The following SLC8A1 variants were observed in gnomAD, a reference collection of about 807,000 sequenced individuals.
SLC8A1 encodes the protein sodium/calcium exchanger 1.
In SLC8A1, 18 loss-of-function variants were observed where a neutral mutation model predicts 68.3. The ratio of observed to expected loss-of-function variants is 0.26; its 90% confidence interval spans 0.18 to 0.39. SLC8A1 has a LOEUF of 0.39. Among genes scored for constraint, SLC8A1 ranks in the 10% least tolerant of loss-of-function variants. The probability of loss-of-function intolerance (pLI) is 1.00; values close to 1 mark genes in which losing one functional copy is unlikely to be tolerated. For missense variants in SLC8A1, 985 were observed against 1,156.7 expected (o/e 0.85, Z 2.15); for synonymous variants, 475 against 415.5 (o/e 1.14, Z -1.74).
chr2:40,442,154 C>T (rs1700609942), intron 1 of SLC8A1, among the ~76,000 whole-genome samples: 1 of 150,138 alleles, frequency 6.7e-6, no homozygotes, highest in South Asian at 2.1e-4. Context: ...ACATATGTAA[C>T]TAACCTGCAC....
intron 2 of SLC8A1, among the ~76,000 whole-genome samples, chr2:40,207,102 G>C (rs2055600979): frequency 6.6e-6 from 1 of 151,920 alleles, no homozygotes; most frequent in Admixed American, 6.6e-5. Context: ...ATTTGTACGT[G>C]GTAAGAAAGC....
intron 2 of SLC8A1, among the ~76,000 whole-genome samples, chr2:40,327,799 CTA>C (rs1433574231): frequency 7.2e-5 from 11 of 152,262 alleles, no homozygotes; most frequent in African/African-American, 2.6e-4. Flanking sequence ...CTATTGGATA[CTA>C]TGGTCCCTAC....
intron 2 of SLC8A1, among the ~76,000 whole-genome samples, chr2:40,309,287 G>T (rs2073244432): frequency 6.6e-6 from 1 of 152,036 alleles, no homozygotes; most frequent in Admixed American, 6.6e-5. Flanking sequence ...GATATTTATT[G>T]CAGCTTCCTG....
At chr2:40,168,153 T>C (rs1196140828) in intron 4 of SLC8A1, among the ~76,000 whole-genome samples, 1 of 152,080 alleles carries the variant, frequency 6.6e-6, no homozygotes, top group Non-Finnish European at 1.5e-5. Flanking sequence ...GGGACAGGAA[T>C]AGACAATGGG....
At chr2:40,219,621 C>T (rs557336163) in intron 2 of SLC8A1, among the ~76,000 whole-genome samples, 3 of 152,254 alleles carry the variant, frequency 2.0e-5, no homozygotes, top group African/African-American at 7.2e-5. Flanking sequence ...AGGCCTCAGG[C>T]ATTACAATTA....
At chr2:40,134,318 C>G (rs1157117145) in intron 7 of SLC8A1, among the ~76,000 whole-genome samples, 1 of 152,102 alleles carries the variant, frequency 6.6e-6, no homozygotes, top group Non-Finnish European at 1.5e-5. Flanking sequence ...TCTTGAACTC[C>G]TGACCTCAAG....
chr2:40,398,512 T>C (rs1269879928), intron 2 of SLC8A1, among the ~76,000 whole-genome samples: 1 of 152,132 alleles, frequency 6.6e-6, no homozygotes, highest in Admixed American at 6.5e-5. Context: ...AAGAAGAAAA[T>C]AATATCCACT....
intron 2 of SLC8A1, among the ~76,000 whole-genome samples, chr2:40,317,540 A>G (rs1273929714): frequency 6.6e-6 from 1 of 152,122 alleles, no homozygotes; most frequent in Non-Finnish European, 1.5e-5. Flanking sequence ...TTTAAAATGA[A>G]AATACTTTTA....
Position 40,154,385 on chromosome 2 carries a change from G to A in SLC8A1, c.2161+6380C>T, listed in dbSNP as rs1477879489. ...GTGTTGAGATCTCGGCTCACTGCAA[G>A]CTCTGCCTCCCGGGTTCATGGCATT... On this transcript the variant is annotated intron_variant, in intron 6 of 7. Transcript: ENST00000406785. Among the ~76,000 whole-genome samples the A allele has an allele frequency of 2.9e-5, 4 of 136,076 alleles. No homozygotes were observed. The East Asian group carries it at 8.8e-4, about 30-fold the overall frequency. 89.3% of individuals were successfully genotyped at this position (136,076 alleles called of 152,430 possible). A position where few individuals can be genotyped will look rare whatever the true frequency, so the allele number is the denominator to read the frequency against.
At chr2:40,327,466 T>A (rs1462740996) in intron 2 of SLC8A1, among the ~76,000 whole-genome samples, 1 of 152,228 alleles carries the variant, frequency 6.6e-6, no homozygotes, top group Non-Finnish European at 1.5e-5. Flanking sequence ...TTTCGCAGCA[T>A]AGCTTTTTAA....
At chr2:40,123,205 A>G (rs949448252) in intron 7 of SLC8A1, 1 of 152,264 alleles carries the variant, frequency 6.6e-6, no homozygotes, top group Non-Finnish European at 1.5e-5. Flanking sequence ...ACATTTGACA[A>G]CGGACAGAGT....
chr2:40,101,979 CA>C (rs1420126874), exon 8 of SLC8A1: 13 of 152,234 alleles, frequency 8.5e-5, no homozygotes, highest in African/African-American at 3.1e-4. Flanking sequence ...TATTTTTAAT[CA>C]CCCTAATTGC....
intron 2 of SLC8A1, chr2:40,220,423 C>A (rs2058153530): frequency 6.6e-6 from 1 of 152,168 alleles, no homozygotes; most frequent in African/African-American, 2.4e-5. Flanking sequence ...GCCATCATCG[C>A]CATTTGGGTG....
chr2:40,281,153 A>G (rs1258939769), intron 2 of SLC8A1, among the ~76,000 whole-genome samples: 2 of 152,294 alleles, frequency 1.3e-5, no homozygotes, highest in Middle Eastern at 3.4e-3. Context: ...CCATGGTAGC[A>G]CTTATTAACA....
chr2:40,238,756 A>T (rs993999684), intron 2 of SLC8A1, among the ~76,000 whole-genome samples: 1 of 152,066 alleles, frequency 6.6e-6, no homozygotes, highest in East Asian at 1.9e-4. Context: ...AATTAACTCA[A>T]GTATTGTTCA....
chr2:40,451,167 C>T (rs539145538), intron 1 of SLC8A1, among the ~76,000 whole-genome samples: 171 of 152,288 alleles, frequency 1.1e-3, no homozygotes, highest in African/African-American at 4.1e-3. Context: ...CAGACCATTT[C>T]CCCCAAGAGC....
At chr2:40,333,249 T>C (rs926745556) in intron 2 of SLC8A1, among the ~76,000 whole-genome samples, 2 of 151,920 alleles carry the variant, frequency 1.3e-5, no homozygotes, top group Non-Finnish European at 2.9e-5. Flanking sequence ...CCATCCTGGC[T>C]AACACGGTGA....
chr2:40,304,404 C>G (rs72939240), intron 2 of SLC8A1, among the ~76,000 whole-genome samples: 18,714 of 152,088 alleles, frequency 0.12, 1,404 homozygotes, highest in East Asian at 0.23. Context: ...ATGTTAATTA[C>G]CACATTATCA....
At chr2:40,278,425 C>T (rs929903757) in intron 2 of SLC8A1, among the ~76,000 whole-genome samples, 11 of 152,116 alleles carry the variant, frequency 7.2e-5, no homozygotes, top group South Asian at 4.2e-4. Flanking sequence ...GCCAAGATCG[C>T]GCCACTGCAC....
Sources: allele counts gnomAD v4.1 joint callset (sites outside exome capture counted in the v4.1 genomes callset), GRCh38; gene constraint gnomAD v4.1.1; transcripts MANE v1.5; gene names NCBI Gene and HGNC (gene_info 2026-07-23, HGNC 2026-07-21).